Variants in KAT2B observed in about 807,000 individuals in gnomAD.
The protein encoded by KAT2B is histone acetyltransferase KAT2B.
A neutral mutation model predicts 105.9 loss-of-function variants in KAT2B; 36 were observed. That is an observed-to-expected ratio of 0.34 (90% confidence interval 0.26 to 0.45). KAT2B has a LOEUF of 0.45. Among genes scored for constraint, KAT2B ranks in the 20% least tolerant of loss-of-function variants. The pLI is 1.00. For synonymous variants in KAT2B, 397 were observed against 377.9 expected (o/e 1.05, Z -0.59); for missense variants, 820 against 1,021.6 (o/e 0.80, Z 2.69).
In KAT2B at chr3:20,136,957, C is replaced by G; in HGVS notation, c.1765C>G (p.Leu589Val). 1 of 1,603,412 alleles carries G rather than the reference C, an allele frequency of 6.2e-7. No homozygotes were observed. Among genetic ancestry groups the G allele is most frequent in the Non-Finnish European group, 8.5e-7 (1 of 1,170,550 alleles). Residue 589 changes from leucine to valine, a missense_variant, in exon 12 of 18, where the codon CTG (leucine) becomes GTG (valine). Transcript: ENST00000263754. Reference protein sequence around the residue: ...NEQVKGYGTHLMNHLKEYHIK... With the variant: ...NEQVKGYGTHVMNHLKEYHIK... ...TTCCACACAGGGCTATGGAACACAC[C>G]TGATGAATCATTTGAAAGAATATCA...
chr3:20,067,963 C>T (rs548463730), intron 1 of KAT2B, among the ~76,000 whole-genome samples: 60 of 149,794 alleles, frequency 4.0e-4, no homozygotes, highest in Middle Eastern at 3.6e-3. Flanking sequence ...GTGCCTGTCC[C>T]GTCTGGCTTA....
At chr3:20,090,029 G>T (rs1433302390) in intron 2 of KAT2B, among the ~76,000 whole-genome samples, 1 of 151,776 alleles carries the variant, frequency 6.6e-6, no homozygotes, top group Non-Finnish European at 1.5e-5. Flanking sequence ...AAAACGAATG[G>T]TACTGATCTT....
intron 2 of KAT2B, among the ~76,000 whole-genome samples, chr3:20,079,058 AATTATT>A (rs747840974): frequency 7.6e-5 from 11 of 144,246 alleles, no homozygotes; most frequent in African/African-American, 2.8e-4. Flanking sequence ...TAATTTTTAT[AATTATT>A]ATTATTATTA....
At chr3:20,109,812 G>A (rs1363884451) in intron 5 of KAT2B, among the ~76,000 whole-genome samples, 1 of 152,114 alleles carries the variant, frequency 6.6e-6, no homozygotes, top group Non-Finnish European at 1.5e-5. Flanking sequence ...ACCCATTTCA[G>A]TATTGTAAAC....
In KAT2B at chr3:20,142,451, A is replaced by T. The variant is rs572252583; in HGVS notation, c.2004+2087A>T. On this transcript the variant is annotated intron_variant, in intron 13 of 17. Transcript: ENST00000263754. ...TAAGTATTATTTGTTCCAACTGTGAAAAACCCCTCAAGGAAGGTAGGGATT... is the reference window on the plus strand; with the variant it reads ...TAAGTATTATTTGTTCCAACTGTGATAAACCCCTCAAGGAAGGTAGGGATT... Among the ~76,000 whole-genome samples the T allele has an allele frequency of 2.2e-4, 33 of 152,334 alleles. No homozygotes were observed. In the South Asian group the frequency reaches 6.8e-3, roughly 32 times the overall value.
At position 20,071,274 on chromosome 3, in the gene KAT2B, G is replaced by A. The variant is rs561371713; in HGVS notation, c.304-1059G>A. Among the ~76,000 whole-genome samples, 18 of 152,286 alleles carry A rather than the reference G, an allele frequency of 1.2e-4. 1 individual carries two copies. In the South Asian group the frequency reaches 2.3e-3, roughly 19 times the overall value. On this transcript the variant is annotated intron_variant, in intron 1 of 17. Transcript: ENST00000263754. ...TAGCCACATGTGGCCAGAGGCTACC[G>A]TACTGGATAGTATATGTAGATGGCT...
At chr3:20,122,125 C>G (rs187276504) in intron 8 of KAT2B, among the ~76,000 whole-genome samples, 69 of 152,200 alleles carry the variant, frequency 4.5e-4, no homozygotes, top group Non-Finnish European at 9.0e-4. Context: ...ATAGGTCAAA[C>G]AGACAAAAAT....
chr3:20,126,192 C>A, intron 10 of KAT2B, 79 bp downstream of exon 10: 1 of 1,199,594 alleles, frequency 8.3e-7, no homozygotes. Flanking sequence ...GAAAGTCAGC[C>A]ATAGTCATCC....
chr3:20,147,980 C>T lies in KAT2B; in HGVS notation c.2137C>T (p.Pro713Ser). The change falls in exon 15 of 18, where the codon CCG (proline) becomes TCG (serine). Residue 713 changes from proline (P) to serine (S), a missense_variant. Transcript: ENST00000263754. ...ACGTATAGGAGAGACAGGCTGGAAA[C>T]CGAGTGGAAAAGAGAAAAGGTAAGT... is the stretch of plus-strand genomic sequence containing the variant. ...IPGIRETGWK[P>S]SGKEKSKEPR... 1 of 1,613,394 alleles carries T rather than the reference C, an allele frequency of 6.2e-7. No homozygotes were observed. The highest frequency in any genetic ancestry group is 1.3e-5 in the African/African-American group (1 of 74,924).
At position 20,114,951 on chromosome 3, in the gene KAT2B, A is replaced by G; in HGVS notation, c.1113A>G (p.Ser371=). ...NSPIWDQDFL[S]ASSRTSQLGI... ...CCATCTGGGATCAGGATTTTCTCTC[A>G]GCCTCTTCCAGAACCAGCCAGCTAG... is the stretch of plus-strand genomic sequence containing the variant. Residue 371 remains serine, a synonymous_variant, in exon 7 of 18, where the codon TCA becomes TCG. Coordinates refer to ENST00000263754, the MANE Select transcript of KAT2B (RefSeq NM_003884.5). 6.2e-7 allele frequency: 1 copy of G among 1,612,972 alleles called. No homozygotes were observed. The highest frequency in any genetic ancestry group is 2.2e-5 in the East Asian group (1 of 44,864).
At chr3:20,149,846 T>C (rs1699841882) in intron 17 of KAT2B, among the ~76,000 whole-genome samples, 1 of 152,210 alleles carries the variant, frequency 6.6e-6, no homozygotes, top group Admixed American at 6.5e-5. Flanking sequence ...TAAAACTCTT[T>C]GTGTCCATTT....
In KAT2B at chr3:20,114,876, G is replaced by A. The variant is rs564999991; in HGVS notation, c.1044-6G>A. On this transcript the variant is annotated splice_polypyrimidine_tract_variant and splice_region_variant and intron_variant, in intron 6 of 17. Transcript: ENST00000263754. Reference sequence around the variant, plus strand: ...TTAATCTTATTGCTATTACTCTTGTGTCTAGATTTCTGTCCATGCTAGAAG... The same window carrying A: ...TTAATCTTATTGCTATTACTCTTGTATCTAGATTTCTGTCCATGCTAGAAG... 8 of 1,503,158 alleles carry A rather than the reference G, an allele frequency of 5.3e-6. No individual in the cohort carries two copies. In the South Asian group the frequency reaches 9.1e-5, roughly 17 times the overall value. 93.1% of individuals were successfully genotyped at this position (1,503,158 alleles called of 1,614,324 possible).
intron 1 of KAT2B, among the ~76,000 whole-genome samples, chr3:20,068,416 A>G (rs1188916231): frequency 6.7e-6 from 1 of 149,972 alleles, no homozygotes; most frequent in African/African-American, 2.5e-5. Flanking sequence ...CCCTTATACT[A>G]GATACCTAAT....
chr3:20,066,985 C>G (rs1054506553), intron 1 of KAT2B, among the ~76,000 whole-genome samples: 1 of 152,156 alleles, frequency 6.6e-6, no homozygotes, highest in African/African-American at 2.4e-5. Context: ...TTGTGGCTGG[C>G]TGCCACATCT....
At chr3:20,079,057 T>C (rs1422056562) in intron 2 of KAT2B, among the ~76,000 whole-genome samples, 1 of 150,838 alleles carries the variant, frequency 6.6e-6, no homozygotes, top group African/African-American at 2.4e-5. Context: ...CTAATTTTTA[T>C]AATTATTATT....
rs1699607514 is a variant in KAT2B, at chr3:20,136,841, T to C, written c.1750-101T>C. On this transcript the variant is annotated intron_variant, in intron 11 of 17. Transcript: ENST00000263754. ...GAAAGGTCCTGGTTGGTAAAATATG[T>C]AAAAGTACAAACTTCTGAATTCACC... 3 of 574,182 alleles carry C rather than the reference T, an allele frequency of 5.2e-6. No homozygotes were observed. The Admixed American group carries it at 8.8e-5, about 17-fold the overall frequency. The allele number at this position is 574,182 out of a possible 1,614,324, so 35.6% of individuals were successfully genotyped here.
At chr3:20,062,161 AT>A (rs1277471018) in intron 1 of KAT2B, among the ~76,000 whole-genome samples, 1 of 78,910 alleles carries the variant, frequency 1.3e-5, no homozygotes, top group Non-Finnish European at 2.2e-5. Context: ...AATATATAAT[AT>A]ATAATATATA....
intron 2 of KAT2B, among the ~76,000 whole-genome samples, chr3:20,087,953 T>A (rs925795858): frequency 1.2e-4 from 7 of 60,370 alleles, no homozygotes; most frequent in South Asian, 9.9e-4. Context: ...TAAAAAAAAA[T>A]TTTTTTTTGT....
chr3:20,107,083 G>C (rs1208910841), intron 5 of KAT2B, among the ~76,000 whole-genome samples: 1 of 122,696 alleles, frequency 8.2e-6, no homozygotes, highest in Non-Finnish European at 1.6e-5. Flanking sequence ...CCCAGGCTGG[G>C]GTGCAGTGGT....
Sources: allele counts gnomAD v4.1 joint callset (sites outside exome capture counted in the v4.1 genomes callset), GRCh38; gene constraint gnomAD v4.1.1; transcripts MANE v1.5; gene names NCBI Gene and HGNC (gene_info 2026-07-23, HGNC 2026-07-21).